The following HERC1 variants were observed in gnomAD, a reference collection of about 807,000 sequenced individuals.
HERC1 encodes HECT and RLD domain containing E3 ubiquitin protein ligase family member 1, also known as probable E3 ubiquitin-protein ligase HERC1.
A neutral mutation model predicts 554.3 loss-of-function variants in HERC1; 160 were observed. The ratio of observed to expected loss-of-function variants is 0.29; its 90% CI spans 0.25 to 0.33. The LOEUF is 0.33. Among genes scored for constraint, HERC1 ranks in the 10% least tolerant of loss-of-function variants. HERC1 has a pLI of 1.00. For synonymous variants in HERC1, 2,175 were observed against 2,131.7 expected (o/e 1.02, Z -0.56); for missense variants, 4,919 against 5,918.5 (o/e 0.83, Z 5.54).
rs2069662354 is a variant in HERC1 at position 63,651,265 on chromosome 15, A to G, written c.10534T>C (p.Trp3512Arg). The G allele has an allele frequency of 6.2e-7, 1 of 1,613,720 alleles. No individual in the cohort carries two copies. Among genetic ancestry groups the G allele is most frequent in the South Asian group, 1.1e-5 (1 of 91,082 alleles). ...ACATGACTCTTACCATTAACTTGCCAGATATTCACCATCTTTTCCAAAGCG... is the reference window on the plus strand; with the variant it reads ...ACATGACTCTTACCATTAACTTGCCGGATATTCACCATCTTTTCCAAAGCG... ...AGALEKMVNI[W>R]QVNGGKGLVD... The change falls in exon 53 of 78, where the codon TGG becomes CGG. Residue 3512 changes from tryptophan (W) to arginine (R), a missense_variant. Around this residue, in one of 11 missense-constraint regions of HERC1, gnomAD observed 1,963 missense variants for 2,228.6 expected, o/e 0.88. Coordinates refer to ENST00000443617, the MANE Select transcript of HERC1 (RefSeq NM_003922.4).
intron 74 of HERC1, among the ~76,000 whole-genome samples, chr15:63,620,302 T>C (rs957459511): frequency 2.0e-5 from 3 of 152,024 alleles, no homozygotes; most frequent in Non-Finnish European, 4.4e-5. Flanking sequence ...AGTTGAGCGG[T>C]TTTGAGTGAG....
chr15:63,661,661 T>G (rs549811816), intron 45 of HERC1, 92 bp downstream of exon 45: 3 of 1,330,910 alleles, frequency 2.3e-6, no homozygotes. Flanking sequence ...GAAGGTTAAA[T>G]GTAACTCCTC....
chr15:63,733,913 A>C (rs2074398138), intron 13 of HERC1, among the ~76,000 whole-genome samples: 1 of 152,204 alleles, frequency 6.6e-6, no homozygotes, highest in Non-Finnish European at 1.5e-5. Context: ...CTATAATCCC[A>C]GCACTTTGGG....
At chr15:63,762,317 T>C (rs947007394) in intron 3 of HERC1, among the ~76,000 whole-genome samples, 8 of 152,116 alleles carry the variant, frequency 5.3e-5, no homozygotes, top group Non-Finnish European at 1.2e-4. Flanking sequence ...GGGTTCATAA[T>C]GATTATTTAT....
chr15:63,815,795 T>C (rs1166364103), intron 1 of HERC1, among the ~76,000 whole-genome samples: 2 of 151,998 alleles, frequency 1.3e-5, no homozygotes, highest in Non-Finnish European at 1.5e-5. Flanking sequence ...AGGAAAGAGG[T>C]TTAATTGCCT....
chr15:63,794,762 C>G (rs1406796667), intron 1 of HERC1, among the ~76,000 whole-genome samples: 1 of 151,990 alleles, frequency 6.6e-6, no homozygotes, highest in Non-Finnish European at 1.5e-5. Flanking sequence ...CTCCCCATAC[C>G]CAGCAGTTTA....
chr15:63,714,149 T>C (rs1259836881), intron 22 of HERC1, among the ~76,000 whole-genome samples: 1 of 152,116 alleles, frequency 6.6e-6, no homozygotes, highest in Admixed American at 6.5e-5. Flanking sequence ...AATAACTGCT[T>C]ATTTCTGAAA....
At chr15:63,821,554 CAAA>C (rs35580549) in intron 1 of HERC1, among the ~76,000 whole-genome samples, 4 of 62,392 alleles carry the variant, frequency 6.4e-5, no homozygotes, top group Admixed American at 1.9e-4. Flanking sequence ...GACTCTGTCT[CAAA>C]AAAAAAAAAA....
chr15:63,757,296 G>A (rs1412301463), intron 4 of HERC1, among the ~76,000 whole-genome samples: 1 of 118,786 alleles, frequency 8.4e-6, no homozygotes. Flanking sequence ...ACAGAGTCTC[G>A]CTCTGTCACC....
At chr15:63,785,551 T>C (rs747481210) in intron 1 of HERC1, among the ~76,000 whole-genome samples, 28 of 152,186 alleles carry the variant, frequency 1.8e-4, no homozygotes. Context: ...GGCGGATCAC[T>C]TGAGCTCAGG....
At position 63,644,996 on chromosome 15, in the gene HERC1, C is replaced by CA; in HGVS notation, c.11179dup (p.Cys3727LeufsTer6). 1 of 1,603,280 alleles carries CA rather than the reference C, an allele frequency of 6.2e-7. No homozygotes were observed. On this transcript the variant is annotated frameshift_variant, in exon 57 of 78. Coordinates refer to ENST00000443617, the MANE Select transcript of HERC1 (RefSeq NM_003922.4). LOFTEE classifies it high-confidence loss of function. ...TCAAAAACACCAGAATGTTACCTGG[C>CA]AATTTGATTCCTGCTCCCACCATCC...
intron 12 of HERC1, among the ~76,000 whole-genome samples, chr15:63,738,222 T>A (rs2074630823): frequency 3.3e-5 from 5 of 152,142 alleles, no homozygotes; most frequent in Admixed American, 3.3e-4. Flanking sequence ...ATAAAATAAT[T>A]AAATAATACT....
At chr15:63,800,322 T>C (rs2076939947) in intron 1 of HERC1, among the ~76,000 whole-genome samples, 1 of 152,224 alleles carries the variant, frequency 6.6e-6, no homozygotes, top group African/African-American at 2.4e-5. Context: ...GGCCAAGAAC[T>C]GACCTCTCCC....
chr15:63,637,359 C>T, intron 64 of HERC1, 146 bp downstream of exon 64: 2 of 668,270 alleles, frequency 3.0e-6, no homozygotes, highest in East Asian at 2.7e-5. Context: ...ATTAAGGCTG[C>T]ACACATGCCT....
intron 1 of HERC1, among the ~76,000 whole-genome samples, chr15:63,824,844 GAAAA>G (rs375372024): frequency 7.9e-6 from 1 of 126,462 alleles, no homozygotes; most frequent in Non-Finnish European, 1.7e-5. Flanking sequence ...TCAGACGTAG[GAAAA>G]AAAAAAAACA....
At chr15:63,732,291 G>A (rs1169008100) in intron 14 of HERC1, among the ~76,000 whole-genome samples, 15 of 152,112 alleles carry the variant, frequency 9.9e-5, no homozygotes, top group African/African-American at 2.7e-4. Context: ...ATAAGACACC[G>A]CGCCTGGCCT....
At chr15:63,767,315 G>T (rs2075812846) in intron 2 of HERC1, among the ~76,000 whole-genome samples, 1 of 151,918 alleles carries the variant, frequency 6.6e-6, no homozygotes, top group Admixed American at 6.6e-5. Flanking sequence ...TAGGTTTTAA[G>T]TTGCTCTATA....
intron 24 of HERC1, among the ~76,000 whole-genome samples, chr15:63,711,451 A>C (rs1009327354): frequency 6.6e-6 from 1 of 152,206 alleles, no homozygotes; most frequent in Non-Finnish European, 1.5e-5. Flanking sequence ...ATGAAGTGGA[A>C]GCACAGAGAT....
At chr15:63,627,491 T>C (rs1227086740) in intron 70 of HERC1, among the ~76,000 whole-genome samples, 1 of 152,104 alleles carries the variant, frequency 6.6e-6, no homozygotes, top group Non-Finnish European at 1.5e-5. Flanking sequence ...CTGGCCAATA[T>C]GGCGAAACAC....
Sources: allele counts gnomAD v4.1 joint callset (sites outside exome capture counted in the v4.1 genomes callset), GRCh38; gene constraint gnomAD v4.1.1; regional missense constraint gnomAD v4.1.1; transcripts MANE v1.5; gene names NCBI Gene and HGNC (gene_info 2026-07-23, HGNC 2026-07-21).